The following AOX1 variants were observed in gnomAD, a reference collection of about 807,000 sequenced individuals.
AOX1 encodes aldehyde oxidase.
Under a neutral mutation model 169.5 loss-of-function variants are expected in AOX1, and 153 were observed. The observed-to-expected ratio is 0.90, with a 90% confidence interval of 0.79 to 1.03. The LOEUF is 1.03. AOX1 is among the 50% of genes least tolerant of loss of function. The pLI is 0.00. For synonymous variants in AOX1, 562 were observed against 581.9 expected (o/e 0.97, Z 0.49); for missense variants, 1,656 against 1,663.9 (o/e 1.00, Z 0.08).
At chr2:200,609,681 G>A (rs1001812814) in intron 12 of AOX1, among the ~76,000 whole-genome samples, 6 of 152,048 alleles carry the variant, frequency 3.9e-5, no homozygotes, top group South Asian at 2.1e-4. Context: ...GTTAATGTCC[G>A]GATGTGATCT....
intron 25 of AOX1, among the ~76,000 whole-genome samples, chr2:200,645,704 C>T (rs1353441148): frequency 6.6e-6 from 1 of 152,014 alleles, no homozygotes; most frequent in Admixed American, 6.5e-5. Context: ...TGGTCCTGGA[C>T]TTTTTATTGT....
At chr2:200,616,701 G>T (rs1264907876) in intron 16 of AOX1, among the ~76,000 whole-genome samples, 2 of 152,184 alleles carry the variant, frequency 1.3e-5, no homozygotes, top group African/African-American at 4.8e-5. Context: ...ATAAAAATAT[G>T]CCTGAAGTCA....
At chr2:200,602,190 C>T in intron 5 of AOX1, 94 bp from the exon 6 acceptor site, 1 of 977,762 alleles carries the variant, frequency 1.0e-6, no homozygotes, top group Non-Finnish European at 1.6e-6. Flanking sequence ...CAGATCTTTC[C>T]TCTATGATAG....
At chr2:200,615,552 C>G (rs1393601674) in intron 15 of AOX1, among the ~76,000 whole-genome samples, 1 of 152,178 alleles carries the variant, frequency 6.6e-6, no homozygotes, top group Non-Finnish European at 1.5e-5. Context: ...AACATGGAAC[C>G]TTTATGCTTA....
chr2:200,595,654 T>C (rs959569296), intron 3 of AOX1, among the ~76,000 whole-genome samples: 7 of 152,084 alleles, frequency 4.6e-5, no homozygotes, highest in Non-Finnish European at 7.4e-5. Flanking sequence ...TTGCTTGAGT[T>C]TGAGTCCAGC....
At position 200,627,377 on chromosome 2, in the gene AOX1, T is replaced by C. The variant is rs1191956719; in HGVS notation, c.2149T>C (p.Phe717Leu). The C allele has an allele frequency of 6.2e-7, 1 of 1,613,772 alleles. No homozygotes were observed. The highest frequency in any genetic ancestry group is 1.3e-5 in the African/African-American group (1 of 75,014). ...IEESIQHNSS[F>L]KPERKLEYGN... ...GGAAAGTATACAACACAACTCCTCC[T>C]TCAAGCCAGAAAGGAAACTGGAATA... The change falls in exon 20 of 35, where the codon TTC (phenylalanine) becomes CTC (leucine). Residue 717 changes from phenylalanine to leucine, a missense_variant. Physicochemically the swap from Phe to Leu is conservative, Grantham distance 22. Coordinates refer to ENST00000374700, the MANE Select transcript of AOX1 (RefSeq NM_001159.4).
At chr2:200,592,224 G>T (rs2034188106) in intron 1 of AOX1, among the ~76,000 whole-genome samples, 1 of 152,140 alleles carries the variant, frequency 6.6e-6, no homozygotes, top group Non-Finnish European at 1.5e-5. Context: ...CTAGGGCACA[G>T]ATCTGACCTT....
chr2:200,633,396 A>AT (rs960983748), intron 20 of AOX1, among the ~76,000 whole-genome samples: 5 of 150,798 alleles, frequency 3.3e-5, no homozygotes, highest in Non-Finnish European at 5.9e-5. Flanking sequence ...TTTCCAGTCT[A>AT]TTTTTTTCTG....
intron 28 of AOX1, 118 bp downstream of exon 28, chr2:200,659,411 C>A: frequency 1.7e-6 from 2 of 1,185,240 alleles, no homozygotes; most frequent in Non-Finnish European, 2.4e-6. Context: ...CCCCATCTTG[C>A]CCTCAGTCAG....
chr2:200,646,785 A>G (rs1267649744), intron 25 of AOX1, among the ~76,000 whole-genome samples: 2 of 152,144 alleles, frequency 1.3e-5, no homozygotes, highest in African/African-American at 2.4e-5. Flanking sequence ...TTCCAGTTGT[A>G]CAAGGCCTTT....
chr2:200,603,478 C>T, intron 7 of AOX1, 122 bp downstream of exon 7: 1 of 669,564 alleles, frequency 1.5e-6, no homozygotes, highest in Non-Finnish European at 2.6e-6. Flanking sequence ...CATGTGCCCT[C>T]TCCCATTCTC....
At chr2:200,668,131 G>A (rs1420098690) in intron 32 of AOX1, among the ~76,000 whole-genome samples, 2 of 147,642 alleles carry the variant, frequency 1.4e-5, no homozygotes, top group East Asian at 3.9e-4. Context: ...TTGAGACTAA[G>A]TTTTGCTCTT....
At chr2:200,665,181 C>CGA (rs1169175024) in intron 31 of AOX1, among the ~76,000 whole-genome samples, 5 of 152,182 alleles carry the variant, frequency 3.3e-5, no homozygotes, top group Non-Finnish European at 7.3e-5. Flanking sequence ...CATGTGCAAG[C>CGA]GAGAGAGTAC....
Position 200,589,016 on chromosome 2 carries a change from A to C in AOX1, c.45+2863A>C, listed in dbSNP as rs550101234. ...TTGAGAAGAGTGTGAGAGAAAATCC[A>C]CCCTAGAAGAGGGCTTTTGAAGTCA... On this transcript the variant is annotated intron_variant, in intron 1 of 34. Coordinates refer to ENST00000374700, the MANE Select transcript of AOX1 (RefSeq NM_001159.4). Among the ~76,000 whole-genome samples the C allele has an allele frequency of 9.2e-5, 14 of 151,918 alleles. No individual in the cohort carries two copies. In the South Asian group the frequency reaches 2.9e-3, roughly 32 times the overall value.
rs1269058773 is a variant in AOX1, at chr2:200,634,790, G to T, written c.2222-1G>T. 3 of 1,613,680 alleles carry T rather than the reference G, an allele frequency of 1.9e-6. No homozygotes were observed. The highest frequency in any genetic ancestry group is 2.5e-6 in the Non-Finnish European group (3 of 1,179,876). On this transcript the variant is annotated splice_acceptor_variant, in intron 20 of 34. Coordinates refer to ENST00000374700, the MANE Select transcript of AOX1 (RefSeq NM_001159.4). LOFTEE classifies it high-confidence loss of function. ...GACTTTTATGTATTTTCCTGTAACA[G>T]GTGAAATACATATGGGAGGTCAAGA... is the stretch of plus-strand genomic sequence containing the variant.
chr2:200,622,261 C>T (rs552680090), intron 18 of AOX1, among the ~76,000 whole-genome samples: 1 of 152,216 alleles, frequency 6.6e-6, no homozygotes, highest in African/African-American at 2.4e-5. Context: ...GGACCCATGT[C>T]TGATTCATCT....
At chr2:200,677,065 C>A, downstream of AOX1, 1 of 380,096 alleles carries the variant, frequency 2.6e-6, no homozygotes, top group Non-Finnish European at 5.3e-6. Context: ...AAGAAAGAAA[C>A]CATGATAGAA....
At chr2:200,593,874 C>T (rs1381238210) in intron 2 of AOX1, among the ~76,000 whole-genome samples, 2 of 151,964 alleles carry the variant, frequency 1.3e-5, no homozygotes, top group African/African-American at 4.8e-5. Flanking sequence ...GATCTTTAGA[C>T]ATAAAAAAAC....
intron 29 of AOX1, among the ~76,000 whole-genome samples, chr2:200,660,827 A>G (rs2035804772): frequency 1.3e-5 from 2 of 152,096 alleles, no homozygotes; most frequent in African/African-American, 4.8e-5. Context: ...ATTCATATTT[A>G]TGGGGTCTGT....
Sources: gnomAD v4.1 joint callset for allele counts (sites outside exome capture counted in the v4.1 genomes callset) on GRCh38, gnomAD v4.1.1 for gene constraint, MANE v1.5 for transcripts, NCBI Gene and HGNC (gene_info 2026-07-23, HGNC 2026-07-21) for gene names.